EFR3B: variants seen among roughly 807,000 people sequenced by gnomAD.
EFR3B encodes the protein protein EFR3 homolog B.
In EFR3B, 64 loss-of-function variants were observed where a neutral mutation model predicts 104.7. The observed-to-expected ratio is 0.61, with a 90% CI of 0.50 to 0.75. The LOEUF (loss-of-function observed/expected upper bound fraction) is 0.75, where lower values mean the gene tolerates loss of function less well. Among genes scored for constraint, EFR3B ranks in the 30% least tolerant of loss-of-function variants. The probability of loss-of-function intolerance (pLI) is 0.00; values close to 1 mark genes in which losing one functional copy is unlikely to be tolerated. For synonymous variants in EFR3B, 385 were observed against 417.9 expected (o/e 0.92, Z 0.96); for missense variants, 750 against 1,078.5 (o/e 0.70, Z 4.27).
intron 4 of EFR3B, among the ~76,000 whole-genome samples, chr2:25,110,066 A>C (rs1439731784): frequency 6.6e-6 from 1 of 152,098 alleles, no homozygotes; most frequent in Non-Finnish European, 1.5e-5. Context: ...CTTGTGACTC[A>C]GGCTGTGCAG....
chr2:25,081,564 TC>T, intron 1 of EFR3B: 1 of 920,520 alleles, frequency 1.1e-6, no homozygotes, highest in Non-Finnish European at 1.8e-6. Flanking sequence ...GTACTTGGAG[TC>T]CATGGTTATT....
chr2:25,095,013 A>G (rs985121404), intron 3 of EFR3B, among the ~76,000 whole-genome samples: 1 of 151,836 alleles, frequency 6.6e-6, no homozygotes, highest in African/African-American at 2.4e-5. Context: ...CTGGTCTGGA[A>G]CTCCCAGGCT....
Position 25,156,739 on chromosome 2 carries a change from A to C in EFR3B, c.*2399A>C, listed in dbSNP as rs1671180581. On this transcript the variant is annotated 3_prime_UTR_variant, in exon 23 of 23. Coordinates refer to ENST00000403714, the MANE Select transcript of EFR3B (RefSeq NM_014971.2). ...CAAGCATGAACTTAGACTTCTCTTT[A>C]GTATTTATATATTTAAAAACCAAGT... 1 of 152,206 alleles carries C rather than the reference A, an allele frequency of 6.6e-6. No homozygotes were observed. The highest frequency in any genetic ancestry group is 2.4e-5 in the African/African-American group (1 of 41,446). 9.4% of individuals were successfully genotyped at this position (152,206 alleles called of 1,614,324 possible). A position where few individuals can be genotyped will look rare whatever the true frequency, so the allele number is the denominator to read the frequency against.
intron 19 of EFR3B, among the ~76,000 whole-genome samples, chr2:25,148,799 G>A (rs1163865254): frequency 6.6e-6 from 1 of 151,006 alleles, no homozygotes; most frequent in Non-Finnish European, 1.5e-5. Flanking sequence ...GTGGGCGCCT[G>A]TAGTCCCAGC....
In EFR3B at chr2:25,137,410, G is replaced by A. The variant is rs773895355; in HGVS notation, c.1630G>A (p.Glu544Lys). 9 of 1,551,874 alleles carry A rather than the reference G, an allele frequency of 5.8e-6. No individual in the cohort carries two copies. Among genetic ancestry groups the A allele is most frequent in the Admixed American group, 3.9e-5 (2 of 50,994 alleles). Residue 544 changes from glutamate (E) to lysine (K), a missense_variant, in exon 15 of 23, where the codon GAG becomes AAG. Coordinates refer to ENST00000403714, the MANE Select transcript of EFR3B (RefSeq NM_014971.2). The surrounding 1 kb of genome is among the most constrained non-coding windows in gnomAD (Gnocchi z 4.7). ...KEETNVQKHY[E>K]ALYGLLALIS... ...GGAAACAAACGTGCAGAAACACTAC[G>A]AGGCGCTCTATGGCTTGCTGGCCCT...
intron 1 of EFR3B, among the ~76,000 whole-genome samples, chr2:25,060,034 TAA>T (rs1668144898): frequency 6.6e-6 from 1 of 151,772 alleles, no homozygotes; most frequent in Non-Finnish European, 1.5e-5. Flanking sequence ...CCATCTCTAC[TAA>T]AAATACAAAA....
At chr2:25,116,752 A>G (rs983081085) in intron 4 of EFR3B, among the ~76,000 whole-genome samples, 4 of 152,056 alleles carry the variant, frequency 2.6e-5, no homozygotes, top group African/African-American at 9.7e-5. Context: ...CAGTGAGGTT[A>G]GCAGCTGTGG....
intron 3 of EFR3B, among the ~76,000 whole-genome samples, chr2:25,097,986 C>G (rs763861582): frequency 1.2e-4 from 18 of 152,166 alleles, no homozygotes; most frequent in Non-Finnish European, 2.9e-5. Context: ...CTTCTCTAAT[C>G]TGAGGACCCT....
chr2:25,129,915 G>A (rs1670282104), intron 6 of EFR3B, 60 bp from the exon 7 acceptor site: 3 of 1,541,074 alleles, frequency 1.9e-6, no homozygotes, highest in African/African-American at 2.7e-5. Context: ...AGCCGGGATT[G>A]TACAGAGCCT....
rs1286259943 is a variant in EFR3B, at chr2:25,145,059, T to C, written c.2142+8T>C. ...AGTCCGGAGAAGGAGGAGGTGAGTG[T>C]CCGTGCCACCGTCCTGGGGCAGCCC... is the stretch of plus-strand genomic sequence containing the variant. On this transcript the variant is annotated splice_region_variant and intron_variant, in intron 19 of 22. Transcript: ENST00000403714. 6.4e-7 allele frequency: 1 copy of C among 1,551,616 alleles called. No homozygotes were observed. The highest frequency in any genetic ancestry group is 2.0e-5 in the Admixed American group (1 of 51,010).
At chr2:25,095,847 T>TA (rs976975710) in intron 3 of EFR3B, among the ~76,000 whole-genome samples, 6 of 152,194 alleles carry the variant, frequency 3.9e-5, no homozygotes, top group African/African-American at 1.4e-4. Flanking sequence ...ACTTCCACAA[T>TA]AAAAAACATG....
chr2:25,129,490 AC>A (rs796589419), intron 6 of EFR3B, among the ~76,000 whole-genome samples: 17 of 151,422 alleles, frequency 1.1e-4, no homozygotes, highest in African/African-American at 3.9e-4. Flanking sequence ...ATGTGGGCCC[AC>A]TCCCTGTGAC....
intron 1 of EFR3B, among the ~76,000 whole-genome samples, chr2:25,062,658 C>A (rs192228479): frequency 6.6e-6 from 1 of 152,190 alleles, no homozygotes; most frequent in Non-Finnish European, 1.5e-5. Context: ...ACTTACGTGC[C>A]GAGTAGCAAG....
At chr2:25,109,612 AC>A (rs1669664003) in intron 4 of EFR3B, among the ~76,000 whole-genome samples, 1 of 152,214 alleles carries the variant, frequency 6.6e-6, no homozygotes, top group Non-Finnish European at 1.5e-5. Context: ...AAAGGTAGAA[AC>A]AACCAAAAAG....
At chr2:25,120,166 T>G (rs1410863548) in intron 4 of EFR3B, among the ~76,000 whole-genome samples, 1 of 149,618 alleles carries the variant, frequency 6.7e-6, no homozygotes, top group Non-Finnish European at 1.5e-5. Context: ...ACCAGCCTGA[T>G]CAACATGGTG....
In EFR3B at chr2:25,131,405, G is replaced by C. The variant is rs1352166784; in HGVS notation, c.887G>C (p.Gly296Ala). The change falls in exon 9 of 23, where the codon GGC (glycine) becomes GCC (alanine). Residue 296 changes from glycine (G) to alanine (A), a missense_variant. By Grantham distance (60) the Gly-to-Ala change is moderately conservative. Coordinates refer to ENST00000403714, the MANE Select transcript of EFR3B (RefSeq NM_014971.2). This position sits in a 1 kb window ranked among gnomAD's most constrained non-coding sequence, Gnocchi z 7.6. ...CACCTGGTCATCCAGCAGCTCCTGG[G>C]CCACCTGGACGCCAACAGCCGCAGC... is the stretch of plus-strand genomic sequence containing the variant. ...HSHLVIQQLL[G>A]HLDANSRSAA... 1 of 1,550,920 alleles carries C rather than the reference G, an allele frequency of 6.4e-7. No individual in the cohort carries two copies. Among genetic ancestry groups the C allele is most frequent in the Non-Finnish European group, 8.7e-7 (1 of 1,146,864 alleles).
In EFR3B at chr2:25,131,469, G is replaced by A; in HGVS notation, c.951G>A (p.Ser317=). The change falls in exon 9 of 23, where the codon TCG becomes TCA. Residue 317 remains serine, a synonymous_variant. Coordinates refer to ENST00000403714, the MANE Select transcript of EFR3B (RefSeq NM_014971.2). This position sits in a 1 kb window ranked among gnomAD's most constrained non-coding sequence, Gnocchi z 7.6. The part of the protein sequence containing the change: ...TVRAGIVEVL[S]EAAVIAATGS... ...GCGCGGGCATCGTGGAAGTCTTGTC[G>A]GAAGCCGCGGTCATCGCTGCCACCG... The A allele has an allele frequency of 6.5e-7, 1 of 1,550,264 alleles. No individual in the cohort carries two copies. Among genetic ancestry groups the A allele is most frequent in the Non-Finnish European group, 8.7e-7 (1 of 1,146,838 alleles).
At chr2:25,090,999 C>T (rs1440808550) in intron 1 of EFR3B, among the ~76,000 whole-genome samples, 1 of 152,164 alleles carries the variant, frequency 6.6e-6, no homozygotes, top group Non-Finnish European at 1.5e-5. Context: ...AGCACCTGAC[C>T]TTTATGTAAG....
chr2:25,076,357 C>CTGA (rs1031230084), intron 1 of EFR3B, among the ~76,000 whole-genome samples: 3 of 152,158 alleles, frequency 2.0e-5, no homozygotes, highest in Non-Finnish European at 2.9e-5. Flanking sequence ...CATAGTAATA[C>CTGA]TGATGATGAT....
Sources: gnomAD v4.1 joint callset for allele counts (sites outside exome capture counted in the v4.1 genomes callset) on GRCh38, gnomAD v4.1.1 for gene constraint, Gnocchi (gnomAD v3.1) non-coding constraint, MANE v1.5 for transcripts, NCBI Gene and HGNC (gene_info 2026-07-23, HGNC 2026-07-21) for gene names.